LAMA2: variants seen among roughly 807,000 people sequenced by gnomAD.
LAMA2 encodes laminin subunit alpha 2, also known as laminin subunit alpha-2.
Under a neutral mutation model 364.8 loss-of-function variants are expected in LAMA2, and 269 were observed. That is an observed-to-expected ratio of 0.74 (90% CI 0.67 to 0.82). The LOEUF (loss-of-function observed/expected upper bound fraction) is 0.82. Among genes scored for constraint, LAMA2 ranks in the 40% least tolerant of loss-of-function variants. The pLI is 0.00. For synonymous variants in LAMA2, 1,379 were observed against 1,370.6 expected (o/e 1.01, Z -0.14); for missense variants, 3,807 against 3,873.2 (o/e 0.98, Z 0.45).
At chr6:129,319,149 A>G (rs2114510051) in intron 27 of LAMA2, among the ~76,000 whole-genome samples, 1 of 152,294 alleles carries the variant, frequency 6.6e-6, no homozygotes, top group Non-Finnish European at 1.5e-5. Context: ...ATATTATTAG[A>G]TTATGCGTGA....
At chr6:129,298,268 A>C (rs1258884428) in intron 21 of LAMA2, among the ~76,000 whole-genome samples, 1 of 152,132 alleles carries the variant, frequency 6.6e-6, no homozygotes, top group Non-Finnish European at 1.5e-5. Flanking sequence ...TGGTATCCGG[A>C]TCAAGAAAAG....
At chr6:129,362,166 T>C (rs1666699058) in intron 32 of LAMA2, among the ~76,000 whole-genome samples, 1 of 152,138 alleles carries the variant, frequency 6.6e-6, no homozygotes, top group Non-Finnish European at 1.5e-5. Context: ...CCTAAAGTTT[T>C]GTGCTGATTT....
Position 129,192,702 on chromosome 6 carries a change from A to G in LAMA2, c.1631A>G (p.Tyr544Cys), listed in dbSNP as rs750282900. The change falls in exon 12 of 65, where the codon TAT becomes TGT. Residue 544 changes from tyrosine (Y) to cysteine (C), a missense_variant. Physicochemically the swap from Tyr to Cys is radical, Grantham distance 194. Around this residue, in one of 3 missense-constraint regions of LAMA2, gnomAD observed 3,333 missense variants for 3,345.7 expected, o/e 1.00. Transcript: ENST00000421865. Reference protein sequence around the residue: ...YGKIQDMSGWYLTDLPGRIRV... With the variant: ...YGKIQDMSGWCLTDLPGRIRV... ...AAGATACAAGATATGAGTGGCTGGT[A>G]TCTGACTGACCTTCCTGGCCGCATT... 3.1e-6 allele frequency: 5 copies of G among 1,614,166 alleles called. No homozygotes were observed. The highest frequency in any genetic ancestry group is 4.2e-6 in the Non-Finnish European group (5 of 1,180,002).
intron 12 of LAMA2, among the ~76,000 whole-genome samples, chr6:129,225,874 A>G (rs953342375): frequency 3.3e-5 from 5 of 152,182 alleles, no homozygotes; most frequent in African/African-American, 1.2e-4. Context: ...GCTGAGTTCA[A>G]TTCCTGGATA....
intron 12 of LAMA2, among the ~76,000 whole-genome samples, chr6:129,212,418 C>T (rs926684794): frequency 6.6e-6 from 1 of 152,122 alleles, no homozygotes; most frequent in African/African-American, 2.4e-5. Flanking sequence ...TAGGGAGTCT[C>T]TTTTCCTCTT....
chr6:129,136,385 A>G (rs1385237950), intron 4 of LAMA2, among the ~76,000 whole-genome samples: 1 of 152,152 alleles, frequency 6.6e-6, no homozygotes, highest in African/African-American at 2.4e-5. Flanking sequence ...ATTTTTGATC[A>G]TTTTTAAAAA....
intron 10 of LAMA2, among the ~76,000 whole-genome samples, chr6:129,181,922 G>A (rs191330536): frequency 6.6e-6 from 1 of 151,540 alleles, no homozygotes. Flanking sequence ...TAAAACTGGG[G>A]GCAAATATCT....
intron 12 of LAMA2, among the ~76,000 whole-genome samples, chr6:129,226,958 T>G (rs1784338387): frequency 6.6e-6 from 1 of 152,224 alleles, no homozygotes; most frequent in Non-Finnish European, 1.5e-5. Context: ...CCCCGCCACT[T>G]TCATGTACCC....
rs571374872 is a variant in LAMA2, at chr6:129,056,144, C to G, written c.284-3640C>G. On this transcript the variant is annotated intron_variant, in intron 2 of 64. Transcript: ENST00000421865. The stretch of plus-strand genomic sequence containing the variant: ...GTTTTTCTATCACATATTAAACGCA[C>G]AATCTGTAAAAAAGATTCAGGAGGA... 2.5e-3 allele frequency among the ~76,000 whole-genome samples: 388 copies of G among 152,262 alleles called. 3 individuals are homozygous for G. The highest frequency in any genetic ancestry group is 8.9e-3 in the African/African-American group (369 of 41,558).
At chr6:129,508,827 G>A (rs1161439628) in intron 62 of LAMA2, among the ~76,000 whole-genome samples, 1 of 152,136 alleles carries the variant, frequency 6.6e-6, no homozygotes, top group African/African-American at 2.4e-5. Context: ...ATAAACGTGG[G>A]AGTGCAGATA....
At chr6:129,339,017 G>T (rs1182717551) in intron 29 of LAMA2, among the ~76,000 whole-genome samples, 1 of 152,102 alleles carries the variant, frequency 6.6e-6, no homozygotes, top group African/African-American at 2.4e-5. Flanking sequence ...CCATGCTAAT[G>T]ATTTGTTATT....
chr6:129,117,621 G>GT (rs1377467491), intron 4 of LAMA2, among the ~76,000 whole-genome samples: 3 of 152,150 alleles, frequency 2.0e-5, no homozygotes, highest in Non-Finnish European at 4.4e-5. Context: ...ACACAAAAGT[G>GT]TTTTTTCAGA....
intron 1 of LAMA2, among the ~76,000 whole-genome samples, chr6:128,902,564 C>CA (rs1299890727): frequency 9.2e-5 from 14 of 152,052 alleles, no homozygotes; most frequent in Admixed American, 7.2e-4. Context: ...AGTAATTGGA[C>CA]AAAGGTAGAC....
At chr6:129,374,579 C>CT (rs10586725) in intron 34 of LAMA2, among the ~76,000 whole-genome samples, 164 of 140,684 alleles carry the variant, frequency 1.2e-3, no homozygotes, top group Middle Eastern at 7.4e-3. Flanking sequence ...TACTGCCAAT[C>CT]TTTTTTTTTT....
chr6:128,910,782 T>G (rs1177378500), intron 1 of LAMA2, among the ~76,000 whole-genome samples: 2 of 150,730 alleles, frequency 1.3e-5, no homozygotes, highest in Non-Finnish European at 3.0e-5. Flanking sequence ...CTACTTTTGG[T>G]CTTTGATGAT....
At chr6:129,016,205 A>G (rs939494873) in intron 1 of LAMA2, among the ~76,000 whole-genome samples, 3 of 152,088 alleles carry the variant, frequency 2.0e-5, no homozygotes, top group Non-Finnish European at 2.9e-5. Context: ...ATAATTCTCT[A>G]TGATTCAGAT....
Position 128,898,384 on chromosome 6 carries a change from C to A in LAMA2, c.112+15027C>A, listed in dbSNP as rs537364639. On this transcript the variant is annotated intron_variant, in intron 1 of 64. Coordinates refer to ENST00000421865, the MANE Select transcript of LAMA2 (RefSeq NM_000426.4). ...TGCATTTCCTCAACTCTTTTCCCATCAGCTTTTCCCAACTCAGAAAATGGT... is the reference window on the plus strand; with the variant it reads ...TGCATTTCCTCAACTCTTTTCCCATAAGCTTTTCCCAACTCAGAAAATGGT... Among the ~76,000 whole-genome samples the A allele has an allele frequency of 3.9e-5, 6 of 152,332 alleles. No individual in the cohort carries two copies. In the East Asian group the frequency reaches 9.6e-4, roughly 24 times the overall value.
intron 3 of LAMA2, among the ~76,000 whole-genome samples, chr6:129,097,849 G>A (rs1395656306): frequency 3.3e-5 from 5 of 152,074 alleles, no homozygotes; most frequent in Non-Finnish European, 7.4e-5. Context: ...TGAGTAAATT[G>A]GTATGTACTA....
chr6:129,311,303 A>G (rs1395405700), intron 22 of LAMA2, among the ~76,000 whole-genome samples: 1 of 151,792 alleles, frequency 6.6e-6, no homozygotes, highest in Non-Finnish European at 1.5e-5. Context: ...TTGTGTTTTT[A>G]ATAGAGACAG....
Sources: allele counts gnomAD v4.1 joint callset (sites outside exome capture counted in the v4.1 genomes callset), GRCh38; gene constraint gnomAD v4.1.1; regional missense constraint gnomAD v4.1.1; transcripts MANE v1.5; gene names NCBI Gene and HGNC (gene_info 2026-07-23, HGNC 2026-07-21).